Variants in SPTLC2 observed in about 807,000 individuals in gnomAD.
SPTLC2 encodes the protein serine palmitoyltransferase long chain base subunit 2.
A neutral mutation model predicts 62.0 loss-of-function variants in SPTLC2; 21 were observed. That is an observed-to-expected ratio of 0.34 (90% confidence interval 0.24 to 0.49). The LOEUF (loss-of-function observed/expected upper bound fraction) is 0.49, where lower values mean the gene tolerates loss of function less well. SPTLC2 is among the 20% of genes least tolerant of loss of function. SPTLC2 has a pLI of 0.99. For synonymous variants in SPTLC2, 261 were observed against 261.8 expected (o/e 1.00, Z 0.03); for missense variants, 511 against 713.0 (o/e 0.72, Z 3.23).
At chr14:77,608,368 G>T (rs2079916118) in intron 1 of SPTLC2, among the ~76,000 whole-genome samples, 2 of 152,120 alleles carry the variant, frequency 1.3e-5, no homozygotes, top group Non-Finnish European at 2.9e-5. Flanking sequence ...AACCAGCAGA[G>T]TATGTATGAA....
intron 9 of SPTLC2, among the ~76,000 whole-genome samples, chr14:77,542,598 A>C (rs978418494): frequency 6.6e-6 from 1 of 152,160 alleles, no homozygotes; most frequent in Non-Finnish European, 1.5e-5. Context: ...GACAAATATC[A>C]AAGTGCTCAG....
intron 5 of SPTLC2, among the ~76,000 whole-genome samples, chr14:77,568,083 T>C (rs2079656171): frequency 6.6e-6 from 1 of 152,248 alleles, no homozygotes; most frequent in Admixed American, 6.5e-5. Flanking sequence ...ATGCTCAACC[T>C]GTATAAACGT....
At chr14:77,574,382 C>T (rs2079701832) in intron 4 of SPTLC2, among the ~76,000 whole-genome samples, 1 of 152,174 alleles carries the variant, frequency 6.6e-6, no homozygotes. Context: ...TAGGAACCCT[C>T]ATACATCGAT....
chr14:77,561,008 C>A (rs2079612162), intron 6 of SPTLC2, among the ~76,000 whole-genome samples: 1 of 114,420 alleles, frequency 8.7e-6, no homozygotes, highest in Admixed American at 9.5e-5. Flanking sequence ...ACATGTACCC[C>A]TGAACCTAAA....
chr14:77,533,214 T>A (rs1594974570), intron 9 of SPTLC2, among the ~76,000 whole-genome samples: 1 of 150,236 alleles, frequency 6.7e-6, no homozygotes, highest in Non-Finnish European at 1.5e-5. Flanking sequence ...TCAGAAGAAT[T>A]GCTTGAACCC....
chr14:77,613,956 CATCT>C, intron 1 of SPTLC2, among the ~76,000 whole-genome samples: 1 of 152,328 alleles, frequency 6.6e-6, no homozygotes, highest in East Asian at 1.9e-4. Flanking sequence ...AATATTCCTC[CATCT>C]GAGAGTGTAG....
chr14:77,550,206 T>C (rs1341995425), intron 9 of SPTLC2, among the ~76,000 whole-genome samples: 2 of 152,236 alleles, frequency 1.3e-5, no homozygotes, highest in Admixed American at 6.5e-5. Flanking sequence ...ATTTCACTAT[T>C]TCCAAAAATC....
At chr14:77,517,634 G>C (rs770623171) in intron 11 of SPTLC2, among the ~76,000 whole-genome samples, 1 of 152,210 alleles carries the variant, frequency 6.6e-6, no homozygotes, top group Non-Finnish European at 1.5e-5. Flanking sequence ...AGAGCAAGAA[G>C]GTGTGGGGCG....
At chr14:77,536,928 C>CT (rs368159307) in intron 9 of SPTLC2, among the ~76,000 whole-genome samples, 1 of 149,160 alleles carries the variant, frequency 6.7e-6, no homozygotes, top group African/African-American at 2.5e-5. Context: ...CCCACCCCCC[C>CT]ACTTCTTTTT....
intron 2 of SPTLC2, among the ~76,000 whole-genome samples, chr14:77,591,344 G>C (rs1013634343): frequency 6.6e-6 from 1 of 152,218 alleles, no homozygotes; most frequent in Admixed American, 6.5e-5. Flanking sequence ...TGAGGAAGGA[G>C]TGACTGCTAA....
At chr14:77,517,902 T>C in intron 11 of SPTLC2, 136 bp downstream of exon 11, 1 of 1,390,098 alleles carries the variant, frequency 7.2e-7, no homozygotes, top group Non-Finnish European at 1.0e-6. Flanking sequence ...AATGCCAATG[T>C]TTTTGGTAGC....
rs925977799 is a variant in SPTLC2, at chr14:77,595,145, T to C, written c.327+2041A>G. Among the ~76,000 whole-genome samples, 4 of 151,900 alleles carry C rather than the reference T, an allele frequency of 2.6e-5. No homozygotes were observed. The South Asian group carries it at 6.2e-4, about 24-fold the overall frequency. ...TTGGGAGGCCGAGGCAGGTGGATCG[T>C]TTGAGGTCAAGGAGTTTGAGAACAG... On this transcript the variant is annotated intron_variant, in intron 2 of 11. Coordinates refer to ENST00000216484, the MANE Select transcript of SPTLC2 (RefSeq NM_004863.4).
rs543885895 is a variant in SPTLC2, at chr14:77,615,267, G to T, written c.132+1181C>A. Among the ~76,000 whole-genome samples, 6 of 152,340 alleles carry T rather than the reference G, an allele frequency of 3.9e-5. 1 individual carries two copies. In the South Asian group the frequency reaches 1.0e-3, roughly 26 times the overall value. On this transcript the variant is annotated intron_variant, in intron 1 of 11. Coordinates refer to ENST00000216484, the MANE Select transcript of SPTLC2 (RefSeq NM_004863.4). ...TACAACTTCAGGGGAGGTCAAGTCT[G>T]CTTTACTTATTTTTCCCCTCAACTC...
chr14:77,546,360 T>C (rs2079527739), intron 9 of SPTLC2, among the ~76,000 whole-genome samples: 1 of 152,244 alleles, frequency 6.6e-6, no homozygotes, highest in Admixed American at 6.5e-5. Context: ...TTGCTGATAA[T>C]TTACTAGAGT....
At chr14:77,552,550 AAT>A (rs1290342345) in intron 8 of SPTLC2, among the ~76,000 whole-genome samples, 7 of 152,194 alleles carry the variant, frequency 4.6e-5, no homozygotes, top group Non-Finnish European at 7.3e-5. Flanking sequence ...TCATGCCTGT[AAT>A]CCCAGCAGTT....
At chr14:77,611,458 C>CAAAAAAA (rs34421039) in intron 1 of SPTLC2, among the ~76,000 whole-genome samples, 1 of 110,836 alleles carries the variant, frequency 9.0e-6, no homozygotes, top group Non-Finnish European at 1.8e-5. Flanking sequence ...CCTATCTCGC[C>CAAAAAAA]AAAAAAAAAA....
intron 2 of SPTLC2, among the ~76,000 whole-genome samples, chr14:77,595,217 A>G (rs2079840125): frequency 1.3e-5 from 2 of 151,878 alleles, no homozygotes; most frequent in African/African-American, 2.4e-5. Flanking sequence ...ATACAAAATT[A>G]TCTCGGGAGT....
intron 2 of SPTLC2, among the ~76,000 whole-genome samples, chr14:77,590,827 T>A (rs1029114123): frequency 6.6e-6 from 1 of 151,862 alleles, no homozygotes; most frequent in African/African-American, 2.4e-5. Flanking sequence ...TTAGCTGGGG[T>A]GCCCTGGGTA....
chr14:77,508,766 A>T lies in SPTLC2; in HGVS notation c.*3518T>A, dbSNP rs566088582. On this transcript the variant is annotated 3_prime_UTR_variant, in exon 12 of 12. Coordinates refer to ENST00000216484, the MANE Select transcript of SPTLC2 (RefSeq NM_004863.4). The stretch of plus-strand genomic sequence containing the variant: ...AGAAATTTGAAAAAAAATTTTTTTT[A>T]AAAGCCAAAGGAGCTAGCTTAAGCC... 12 of 152,282 alleles carry T rather than the reference A, an allele frequency of 7.9e-5. No homozygotes were observed. The highest frequency in any genetic ancestry group is 2.6e-4 in the African/African-American group (11 of 41,558). The allele number at this position is 152,282 out of a possible 1,614,324, so 9.4% of individuals were successfully genotyped here. A position where few individuals can be genotyped will look rare whatever the true frequency, so the allele number is the denominator to read the frequency against.
Sources: gnomAD v4.1 joint callset for allele counts (sites outside exome capture counted in the v4.1 genomes callset) on GRCh38, gnomAD v4.1.1 for gene constraint, MANE v1.5 for transcripts, NCBI Gene and HGNC (gene_info 2026-07-23, HGNC 2026-07-21) for gene names.